The following CASK variants were observed in gnomAD, a reference collection of about 807,000 sequenced individuals.
CASK encodes peripheral plasma membrane protein CASK.
In CASK, 4 loss-of-function variants were observed where a neutral mutation model predicts 82.9. The observed-to-expected ratio is 0.05, with a 90% CI of 0.02 to 0.11. The LOEUF is 0.11. Among genes scored for constraint, CASK ranks in the 10% least tolerant of loss-of-function variants. CASK has a pLI of 1.00. For synonymous variants in CASK, 259 were observed against 253.5 expected (o/e 1.02, Z -0.20); for missense variants, 358 against 720.9 (o/e 0.50, Z 5.76).
intron 12 of CASK, among the ~76,000 whole-genome samples, chrX:41,606,269 CAT>C: frequency 9.0e-6 from 1 of 111,393 alleles, no homozygotes; most frequent in Non-Finnish European, 1.9e-5. Flanking sequence ...TTCATTCATT[CAT>C]TCATTCATTT....
rs981635454 is a variant in CASK, at chrX:41,901,262, G to T, written c.59+21668C>A. 1.2e-4 allele frequency among the ~76,000 whole-genome samples: 13 copies of T among 111,390 alleles called. No homozygotes were observed. The East Asian group carries it at 3.4e-3, about 29-fold the overall frequency. ...CTTCAGAGGCCAAGGCGGGTGGGTT[G>T]CTTGAGGACCAGCTTGGGCAACTTG... On this transcript the variant is annotated intron_variant, in intron 1 of 26. Transcript: ENST00000378163.
chrX:41,686,112 C>T (rs192232405), intron 5 of CASK, among the ~76,000 whole-genome samples: 36 of 110,630 alleles, frequency 3.3e-4, no homozygotes, highest in Non-Finnish European at 6.2e-4. Flanking sequence ...TTATTTGAAA[C>T]GGAGTCTCGC....
intron 5 of CASK, among the ~76,000 whole-genome samples, chrX:41,731,068 T>G (rs2068388226): frequency 8.9e-6 from 1 of 112,294 alleles, no homozygotes; most frequent in African/African-American, 3.2e-5. Context: ...CAGTAATGTT[T>G]GTTTAACATA....
chrX:41,687,591 C>T (rs748048571), intron 5 of CASK, among the ~76,000 whole-genome samples: 39 of 111,018 alleles, frequency 3.5e-4, no homozygotes, highest in Non-Finnish European at 6.0e-4. Flanking sequence ...TAGTTTTGCA[C>T]GATGAAAAAC....
At chrX:41,835,307 G>A (rs764665121) in intron 2 of CASK, among the ~76,000 whole-genome samples, 1 of 111,692 alleles carries the variant, frequency 9.0e-6, no homozygotes, top group South Asian at 3.8e-4. Flanking sequence ...ACTCACCTTG[G>A]CCTCCCAAAG....
At chrX:41,560,912 T>A (rs965009424) in intron 17 of CASK, among the ~76,000 whole-genome samples, 5 of 109,775 alleles carry the variant, frequency 4.6e-5, no homozygotes, top group Non-Finnish European at 9.5e-5. Flanking sequence ...AAAAAAAATG[T>A]TTGGTGAGTC....
intron 5 of CASK, among the ~76,000 whole-genome samples, chrX:41,711,782 A>T (rs2067980596): frequency 9.0e-6 from 1 of 111,675 alleles, no homozygotes; most frequent in Non-Finnish European, 1.9e-5. Context: ...CCCCATTCTG[A>T]ATCCATAAAA....
intron 5 of CASK, among the ~76,000 whole-genome samples, chrX:41,715,772 A>T (rs185294799): frequency 1.8e-5 from 2 of 112,304 alleles, no homozygotes; most frequent in East Asian, 5.6e-4. Flanking sequence ...GCATTTAGAC[A>T]TGTTTCTTTT....
intron 2 of CASK, among the ~76,000 whole-genome samples, chrX:41,825,379 C>T (rs192376571): frequency 9.9e-5 from 11 of 111,565 alleles, no homozygotes; most frequent in African/African-American, 3.6e-4. Context: ...AAAATATTCA[C>T]TCTAGATACC....
rs1181405339 is a variant in CASK at position 41,783,548 on chromosome X, C to CAA, written c.278+3628_278+3629dup. ...TGGACAACAGAGCAAGACTCTGTCT[C>CAA]AAAAAAAAAAAAAAAACAAAAGAAT... On this transcript the variant is annotated intron_variant, in intron 3 of 26. Transcript: ENST00000378163. Among the ~76,000 whole-genome samples, 342 of 51,004 alleles carry CAA rather than the reference C, an allele frequency of 6.7e-3. 5 individuals are homozygous for CAA. The highest frequency in any genetic ancestry group is 0.022 in the African/African-American group (320 of 14,414). 44.3% of individuals were successfully genotyped at this position (51,004 alleles called of 115,157 possible).
chrX:41,732,734 AT>A (rs1308041933), intron 5 of CASK, among the ~76,000 whole-genome samples: 105 of 102,360 alleles, frequency 1.0e-3, no homozygotes, highest in East Asian at 4.0e-3. Flanking sequence ...AAGCAAAAGA[AT>A]TTTTTTTTTT....
intron 21 of CASK, among the ~76,000 whole-genome samples, chrX:41,549,966 C>G (rs1209941816): frequency 9.1e-6 from 1 of 109,663 alleles, no homozygotes; most frequent in East Asian, 2.9e-4. Context: ...TTGAGACCAG[C>G]CTGGCCAACC....
At chrX:41,790,517 T>A (rs950128046) in intron 2 of CASK, among the ~76,000 whole-genome samples, 3 of 111,666 alleles carry the variant, frequency 2.7e-5, no homozygotes, top group Non-Finnish European at 5.6e-5. Context: ...GCTGAACAAG[T>A]CCTTGGTCTA....
At chrX:41,819,935 G>A (rs1482810537) in intron 2 of CASK, among the ~76,000 whole-genome samples, 2 of 111,542 alleles carry the variant, frequency 1.8e-5, no homozygotes, top group African/African-American at 6.5e-5. Context: ...TCTAATAAAG[G>A]GCATTTAAGA....
chrX:41,635,748 G>T (rs2066539836), intron 9 of CASK: 1 of 100,314 alleles, frequency 1.0e-5, no homozygotes. Flanking sequence ...GATAGGGAGA[G>T]TAGTAAGAGG....
At chrX:41,727,321 AT>A in intron 5 of CASK, 1 of 1,207,239 alleles carries the variant, frequency 8.3e-7, no homozygotes, top group Non-Finnish European at 1.1e-6. Context: ...AACTCTATCC[AT>A]GCATGCAAGT....
chrX:41,553,534 A>T (rs1380175729), intron 21 of CASK, among the ~76,000 whole-genome samples, 185 bp downstream of exon 21: 1 of 111,542 alleles, frequency 9.0e-6, no homozygotes, highest in East Asian at 2.8e-4. Flanking sequence ...TGACTCTGCA[A>T]CTAGGATCTC....
chrX:41,568,922 C>T (rs1481380522), intron 16 of CASK, among the ~76,000 whole-genome samples: 2 of 110,959 alleles, frequency 1.8e-5, no homozygotes, highest in African/African-American at 6.6e-5. Flanking sequence ...TGCTTGAGCC[C>T]GGGAGGAGAG....
intron 1 of CASK, among the ~76,000 whole-genome samples, chrX:41,903,096 C>A (rs2072412637): frequency 8.9e-6 from 1 of 112,311 alleles, no homozygotes; most frequent in African/African-American, 3.2e-5. Context: ...CATAGTGTCA[C>A]AACAAGAATC....
Sources: gnomAD v4.1 joint callset for allele counts (sites outside exome capture counted in the v4.1 genomes callset) on GRCh38, gnomAD v4.1.1 for gene constraint, MANE v1.5 for transcripts, NCBI Gene and HGNC (gene_info 2026-07-23, HGNC 2026-07-21) for gene names.